Variants in CNTN4 observed in about 807,000 individuals in gnomAD.
The protein encoded by CNTN4 is contactin 4, also known as contactin-4.
CNTN4 carries 77 observed loss-of-function variants against 122.5 expected under a neutral mutation model. The observed-to-expected ratio is 0.63, with a 90% CI of 0.52 to 0.76. The LOEUF (loss-of-function observed/expected upper bound fraction) is 0.76. Ranked by LOEUF, CNTN4 falls within the 30% of genes least tolerant of loss-of-function variation. CNTN4 has a pLI of 0.00. For synonymous variants in CNTN4, 512 were observed against 447.0 expected, an observed-to-expected ratio of 1.15 and a Z score of -1.83; for missense variants, 1,256 against 1,259.1, an observed-to-expected ratio of 1.00 and a Z score of 0.04.
intron 3 of CNTN4, among the ~76,000 whole-genome samples, chr3:2,558,363 C>A (rs1197588174): frequency 6.6e-6 from 1 of 152,198 alleles, no homozygotes; most frequent in Non-Finnish European, 1.5e-5. Flanking sequence ...TCTTACTCTT[C>A]TTGAGTCTGT....
At chr3:2,115,675 A>G (rs772743336) in intron 2 of CNTN4, among the ~76,000 whole-genome samples, 1 of 152,164 alleles carries the variant, frequency 6.6e-6, no homozygotes, top group African/African-American at 2.4e-5. Context: ...AAATCTCTCT[A>G]TTGGTTTTCA....
chr3:2,512,899 G>A (rs1041441105), intron 3 of CNTN4, among the ~76,000 whole-genome samples: 2 of 152,192 alleles, frequency 1.3e-5, no homozygotes, highest in African/African-American at 4.8e-5. Flanking sequence ...TCTTACTGGT[G>A]AGGACAGAGT....
At chr3:3,028,217 C>G (rs6778894) in intron 15 of CNTN4, among the ~76,000 whole-genome samples, 1 of 151,944 alleles carries the variant, frequency 6.6e-6, no homozygotes, top group Admixed American at 6.6e-5. Context: ...TGATACACCC[C>G]ATCCCCACCG....
chr3:2,120,943 G>C (rs1379517724), intron 2 of CNTN4, among the ~76,000 whole-genome samples: 3 of 151,940 alleles, frequency 2.0e-5, no homozygotes, highest in Admixed American at 2.0e-4. Context: ...ATGGCCTCTG[G>C]GTCCTAGATG....
At chr3:3,010,397 G>A (rs943110935) in intron 14 of CNTN4, among the ~76,000 whole-genome samples, 9 of 150,796 alleles carry the variant, frequency 6.0e-5, no homozygotes, top group African/African-American at 2.2e-4. Context: ...TAATCATCCA[G>A]TTGCTTTCCA....
chr3:2,664,885 C>T (rs1015696692), intron 4 of CNTN4, among the ~76,000 whole-genome samples: 8 of 152,134 alleles, frequency 5.3e-5, no homozygotes, highest in Admixed American at 1.3e-4. Flanking sequence ...CTCCTTTCCA[C>T]GACATTTGAT....
At chr3:2,629,279 A>G (rs2082324877) in intron 4 of CNTN4, among the ~76,000 whole-genome samples, 1 of 152,132 alleles carries the variant, frequency 6.6e-6, no homozygotes, top group Admixed American at 6.6e-5. Flanking sequence ...CCAGAAACCA[A>G]TCCTGTTGGC....
intron 2 of CNTN4, among the ~76,000 whole-genome samples, chr3:2,145,814 T>C (rs112977063): frequency 3.3e-5 from 5 of 151,964 alleles, no homozygotes; most frequent in East Asian, 1.9e-4. Context: ...ATGTTATTAT[T>C]ATTCCCACTT....
At chr3:2,598,654 T>G (rs1412104513) in intron 4 of CNTN4, among the ~76,000 whole-genome samples, 1 of 152,202 alleles carries the variant, frequency 6.6e-6, no homozygotes, top group African/African-American at 2.4e-5. Flanking sequence ...AGGAAACTTA[T>G]GTAGCCGTAA....
chr3:2,716,514 A>C (rs968228254), intron 4 of CNTN4, among the ~76,000 whole-genome samples: 30 of 152,132 alleles, frequency 2.0e-4, no homozygotes, highest in Non-Finnish European at 5.9e-5. Context: ...TGTATCATGA[A>C]AATGATTTAC....
At chr3:2,809,467 G>A (rs2092552250) in intron 6 of CNTN4, among the ~76,000 whole-genome samples, 1 of 150,968 alleles carries the variant, frequency 6.6e-6, no homozygotes, top group African/African-American at 2.5e-5. Context: ...GCAAAGCTGG[G>A]GACGTAGGCA....
chr3:2,170,102 A>G (rs965892053), intron 2 of CNTN4, among the ~76,000 whole-genome samples: 5 of 151,804 alleles, frequency 3.3e-5, no homozygotes, highest in Non-Finnish European at 1.5e-5. Context: ...CGGGAGGATC[A>G]CAAGGTCAGG....
chr3:2,645,426 C>A (rs1385979086), intron 4 of CNTN4, among the ~76,000 whole-genome samples: 1 of 152,148 alleles, frequency 6.6e-6, no homozygotes, highest in Non-Finnish European at 1.5e-5. Context: ...TTATTTAAGA[C>A]AATCAATTTA....
intron 13 of CNTN4, among the ~76,000 whole-genome samples, chr3:2,928,593 T>A (rs1577306478): frequency 6.6e-6 from 1 of 152,216 alleles, no homozygotes; most frequent in African/African-American, 2.4e-5. Context: ...ATGTAGAATC[T>A]TAGGAAACAA....
At chr3:2,921,815 CA>C (rs1301983758) in intron 12 of CNTN4, among the ~76,000 whole-genome samples, 4 of 152,054 alleles carry the variant, frequency 2.6e-5, no homozygotes, top group Non-Finnish European at 5.9e-5. Flanking sequence ...GACACTAAAG[CA>C]AAAAACTTTT....
At chr3:2,836,958 A>G (rs183993631) in intron 7 of CNTN4, among the ~76,000 whole-genome samples, 94 of 152,320 alleles carry the variant, frequency 6.2e-4, no homozygotes, top group African/African-American at 2.2e-3. Context: ...GACAGCCAAT[A>G]TTATATTTAA....
intron 2 of CNTN4, among the ~76,000 whole-genome samples, chr3:2,135,406 A>T (rs1559276553): frequency 6.6e-6 from 1 of 152,246 alleles, no homozygotes. Flanking sequence ...TTAAGATAGT[A>T]AATCTCTATT....
chr3:2,250,765 T>C (rs1047226680), intron 2 of CNTN4, among the ~76,000 whole-genome samples: 6 of 151,892 alleles, frequency 4.0e-5, no homozygotes, highest in Non-Finnish European at 8.8e-5. Context: ...TCAAAGAATG[T>C]GTAATCTTAA....
At chr3:2,479,442 G>A (rs759184874) in intron 3 of CNTN4, among the ~76,000 whole-genome samples, 1 of 152,192 alleles carries the variant, frequency 6.6e-6, no homozygotes. Context: ...GTCACCATAA[G>A]TGAACAGAAT....
Sources: allele counts gnomAD v4.1 joint callset (sites outside exome capture counted in the v4.1 genomes callset), GRCh38; gene constraint gnomAD v4.1.1; transcripts MANE v1.5; gene names NCBI Gene and HGNC (gene_info 2026-07-23, HGNC 2026-07-21).